ASPRV1: variants seen among roughly 807,000 people sequenced by gnomAD.
The protein encoded by ASPRV1 is aspartic peptidase retroviral like 1, also known as retroviral-like aspartic protease 1.
Under a neutral mutation model 11.0 loss-of-function variants are expected in ASPRV1, and 7 were observed. The ratio of observed to expected loss-of-function variants is 0.64; its 90% CI spans 0.36 to 1.20. The LOEUF (loss-of-function observed/expected upper bound fraction) is 1.20, where lower values mean the gene tolerates loss of function less well. Ranked by LOEUF, ASPRV1 falls within the 50% of genes most tolerant of loss-of-function variation. The pLI, the probability that ASPRV1 is intolerant of heterozygous loss-of-function variation, is 0.02. For missense variants in ASPRV1, 299 were observed against 320.0 expected, an observed-to-expected ratio of 0.93 and a Z score of 0.50; for synonymous variants, 136 against 138.4, an observed-to-expected ratio of 0.98 and a Z score of 0.12.
At position 69,960,520 on chromosome 2, in the gene ASPRV1, G is replaced by A; in HGVS notation, c.*137C>T. On this transcript the variant is annotated 3_prime_UTR_variant, in exon 1 of 1. Coordinates refer to ENST00000320256, the MANE Select transcript of ASPRV1 (RefSeq NM_152792.4). ...GGGGCAGATTAAGGCCCCTGCAGAGGGAGGCAAAGGGGAGAGAAGAGCAAG... is the reference window on the plus strand; with the variant it reads ...GGGGCAGATTAAGGCCCCTGCAGAGAGAGGCAAAGGGGAGAGAAGAGCAAG... The A allele has an allele frequency of 1.1e-6, 1 of 924,092 alleles. No homozygotes were observed. The highest frequency in any genetic ancestry group is 1.7e-5 in the South Asian group (1 of 59,052). 57.2% of individuals were successfully genotyped at this position (924,092 alleles called of 1,614,324 possible).
At chr2:70,003,705 C>T in the ASPRV1 span, among the ~76,000 whole-genome samples, 5,715 of 152,230 alleles carry the variant, frequency 0.038, 368 homozygotes, top group African/African-American at 0.13. Flanking sequence ...AGGCCTAAAA[C>T]GAGGGTTGTG....
chr2:70,016,533 C>A, the ASPRV1 span, among the ~76,000 whole-genome samples: 1 of 151,930 alleles, frequency 6.6e-6, no homozygotes, highest in Non-Finnish European at 1.5e-5. Context: ...AAAGCAAGAC[C>A]AGCAAACCAA....
At chr2:70,027,542 A>T in the ASPRV1 span, among the ~76,000 whole-genome samples, 1 of 152,228 alleles carries the variant, frequency 6.6e-6, no homozygotes, top group African/African-American at 2.4e-5. Context: ...TGTGGTATAT[A>T]TACAAATACA....
the ASPRV1 span, among the ~76,000 whole-genome samples, chr2:70,074,006 C>T: frequency 1.4e-3 from 213 of 151,060 alleles, 6 homozygotes; most frequent in South Asian, 0.043. Context: ...TGGTGGCGGG[C>T]GCCTGTAGTC....
chr2:69,943,599 C>T, the ASPRV1 span, among the ~76,000 whole-genome samples: 179 of 152,296 alleles, frequency 1.2e-3, no homozygotes, highest in African/African-American at 3.9e-3. Context: ...CTGAGGATGT[C>T]CGTTCCTTTA....
At chr2:70,076,844 C>G in the ASPRV1 span, among the ~76,000 whole-genome samples, 1 of 152,210 alleles carries the variant, frequency 6.6e-6, no homozygotes, top group Admixed American at 6.5e-5. Flanking sequence ...AGCCCAGCAT[C>G]ATGAGAACGT....
At chr2:70,002,859 C>T in the ASPRV1 span, among the ~76,000 whole-genome samples, 1 of 152,198 alleles carries the variant, frequency 6.6e-6, no homozygotes, top group Admixed American at 6.5e-5. Context: ...CCAGCTCCCC[C>T]TCGTCCTTCT....
At chr2:69,980,259 G>A in the ASPRV1 span, among the ~76,000 whole-genome samples, 3 of 152,196 alleles carry the variant, frequency 2.0e-5, no homozygotes, top group Non-Finnish European at 4.4e-5. Flanking sequence ...TCCTGCAGGT[G>A]ATTGAGAAAT....
downstream of ASPRV1, among the ~76,000 whole-genome samples, chr2:69,956,511 G>A (rs1409819794): frequency 6.7e-6 from 1 of 149,664 alleles, no homozygotes; most frequent in Non-Finnish European, 1.5e-5. Context: ...CAGAGGAGGA[G>A]GGGAGGAGGA....
chr2:70,062,361 T>C, the ASPRV1 span, among the ~76,000 whole-genome samples: 13 of 152,162 alleles, frequency 8.5e-5, no homozygotes, highest in African/African-American at 3.1e-4. Context: ...CAGAATCACC[T>C]GGCAGGCTGA....
chr2:70,053,088 G>A, the ASPRV1 span, among the ~76,000 whole-genome samples: 1 of 151,980 alleles, frequency 6.6e-6, no homozygotes, highest in Non-Finnish European at 1.5e-5. Flanking sequence ...CATATCCACC[G>A]CCTTGCCCAT....
At chr2:70,019,979 AATGTGT>A in the ASPRV1 span, among the ~76,000 whole-genome samples, 1 of 152,200 alleles carries the variant, frequency 6.6e-6, no homozygotes, top group Admixed American at 6.5e-5. Flanking sequence ...GCCATTCCAC[AATGTGT>A]GTGTATATAT....
chr2:69,942,003 G>A, the ASPRV1 span: 1 of 151,600 alleles, frequency 6.6e-6, no homozygotes, highest in Non-Finnish European at 1.5e-5. Context: ...ATTTTTTCAT[G>A]AACCACACAG....
At chr2:70,083,847 G>A in the ASPRV1 span, among the ~76,000 whole-genome samples, 2 of 152,272 alleles carry the variant, frequency 1.3e-5, no homozygotes, top group South Asian at 2.1e-4. Context: ...TTTATAAAAG[G>A]GAGAACTGAA....
the ASPRV1 span, among the ~76,000 whole-genome samples, chr2:70,048,035 G>C: frequency 2.7e-5 from 4 of 149,656 alleles, no homozygotes; most frequent in Non-Finnish European, 5.9e-5. Flanking sequence ...CTTAAATCCG[G>C]GAGGCAGAGG....
At chr2:69,932,871 G>C in the ASPRV1 span, among the ~76,000 whole-genome samples, 1 of 152,068 alleles carries the variant, frequency 6.6e-6, no homozygotes, top group East Asian at 1.9e-4. Flanking sequence ...TAACAAGCTG[G>C]CTGAAAAATA....
chr2:70,020,327 G>A, the ASPRV1 span, among the ~76,000 whole-genome samples: 5 of 152,290 alleles, frequency 3.3e-5, no homozygotes, highest in South Asian at 8.3e-4. Flanking sequence ...TAGCAAGCAA[G>A]GTACAAGCAA....
chr2:69,961,333 CT>C lies in ASPRV1; in HGVS notation c.103del (p.Ser35AlafsTer17), dbSNP rs1474425211. The C allele has an allele frequency of 6.2e-7, 1 of 1,614,134 alleles. No homozygotes were observed. The highest frequency in any genetic ancestry group is 1.1e-5 in the South Asian group (1 of 91,078). On this transcript the variant is annotated frameshift_variant, in exon 1 of 1. Coordinates refer to ENST00000320256, the MANE Select transcript of ASPRV1 (RefSeq NM_152792.4). LOFTEE classifies it high-confidence loss of function. Reference protein sequence around the residue: ...ANVVPNLWLHSFEVINDLNHW... With the variant: ...ANVVPNLWLHXFEVINDLNHW... ...GTTGAGGTCATTGATGACTTCAAAG[CT>C]GTGCAGCCAGAGGTTTGGGACGACA...
chr2:69,944,689 G>A, the ASPRV1 span, among the ~76,000 whole-genome samples: 1 of 107,546 alleles, frequency 9.3e-6, no homozygotes, highest in Non-Finnish European at 1.9e-5. Flanking sequence ...TTCTTTGGAG[G>A]GGACCTTATA....
Sources: gnomAD v4.1 joint callset for allele counts (sites outside exome capture counted in the v4.1 genomes callset) on GRCh38, gnomAD v4.1.1 for gene constraint, MANE v1.5 for transcripts, NCBI Gene and HGNC (gene_info 2026-07-23, HGNC 2026-07-21) for gene names.